The following OXSR1 variants were observed in gnomAD, a reference collection of about 807,000 sequenced individuals.
The protein encoded by OXSR1 is oxidative stress responsive kinase 1.
In OXSR1, 24 loss-of-function variants were observed where a neutral mutation model predicts 79.8. The observed-to-expected ratio is 0.30, with a 90% confidence interval of 0.22 to 0.42. The LOEUF (loss-of-function observed/expected upper bound fraction) is 0.42. Ranked by LOEUF, OXSR1 falls within the 10% of genes least tolerant of loss-of-function variation. The probability of loss-of-function intolerance (pLI) is 1.00; values close to 1 mark genes in which losing one functional copy is unlikely to be tolerated. For synonymous variants in OXSR1, 226 were observed against 209.2 expected, an observed-to-expected ratio of 1.08 and a Z score of -0.69; for missense variants, 430 against 618.4, an observed-to-expected ratio of 0.70 and a Z score of 3.23.
chr3:38,250,600 T>G (rs1007675804), intron 15 of OXSR1, among the ~76,000 whole-genome samples: 1 of 152,180 alleles, frequency 6.6e-6, no homozygotes, highest in African/African-American at 2.4e-5. Flanking sequence ...TATTACTCAG[T>G]GTTCTAATTT....
At chr3:38,186,814 G>A (rs1440539704) in intron 2 of OXSR1, among the ~76,000 whole-genome samples, 2 of 152,166 alleles carry the variant, frequency 1.3e-5, no homozygotes, top group East Asian at 3.9e-4. Flanking sequence ...TTATTATCTT[G>A]AGTATATACC....
In OXSR1 at chr3:38,224,641, A is replaced by G; in HGVS notation, c.773A>G (p.Lys258Arg). ...ETGVQDKEML[K>R]KYGKSFRKMI... The stretch of plus-strand genomic sequence containing the variant: ...GGTGTTCAAGATAAAGAAATGCTGA[A>G]AAAATATGGAAAATCATTTAGAAAA... Residue 258 changes from lysine to arginine, a missense_variant, in exon 8 of 18, where the codon AAA (lysine) becomes AGA (arginine). Physicochemically the swap from Lys to Arg is conservative, Grantham distance 26. Coordinates refer to ENST00000311806, the MANE Select transcript of OXSR1 (RefSeq NM_005109.3). 6.3e-7 allele frequency: 1 copy of G among 1,596,384 alleles called. No individual in the cohort carries two copies. The highest frequency in any genetic ancestry group is 8.5e-7 in the Non-Finnish European group (1 of 1,169,834).
intron 4 of OXSR1, among the ~76,000 whole-genome samples, chr3:38,212,894 GAA>G (rs1702414683): frequency 6.6e-6 from 1 of 152,180 alleles, no homozygotes; most frequent in African/African-American, 2.4e-5. Context: ...TCTTTTCCTT[GAA>G]AGGTTTGTTG....
intron 10 of OXSR1, among the ~76,000 whole-genome samples, chr3:38,234,207 A>T (rs940027500): frequency 6.6e-6 from 1 of 152,230 alleles, no homozygotes; most frequent in African/African-American, 2.4e-5. Flanking sequence ...TTCCTTAGAT[A>T]TGATACCAAA....
chr3:38,248,663 T>G (rs1330319010), intron 14 of OXSR1, among the ~76,000 whole-genome samples: 1 of 152,164 alleles, frequency 6.6e-6, no homozygotes, highest in Non-Finnish European at 1.5e-5. Context: ...TCATTGCTCC[T>G]TGCCACTAGG....
intron 3 of OXSR1, chr3:38,193,215 A>G (rs1249527503): frequency 8.2e-7 from 1 of 1,215,548 alleles, no homozygotes; most frequent in Non-Finnish European, 1.1e-6. Flanking sequence ...CATTAATAGT[A>G]ATAAGCCCTT....
chr3:38,187,749 TATTA>T (rs1479386789), intron 2 of OXSR1, among the ~76,000 whole-genome samples: 2 of 152,106 alleles, frequency 1.3e-5, no homozygotes, highest in African/African-American at 2.4e-5. Context: ...TTATTTATTT[TATTA>T]ATTTATTTTT....
rs530505225 is a variant in OXSR1 at position 38,175,309 on chromosome 3, A to G, written c.71-7694A>G. On this transcript the variant is annotated intron_variant, in intron 1 of 17. Coordinates refer to ENST00000311806, the MANE Select transcript of OXSR1 (RefSeq NM_005109.3). ...CTTTTACATTATCTCTCTCTTTTTT[A>G]AAAAATTTATTTTTGAGGTGGGGTC... 3.9e-5 allele frequency among the ~76,000 whole-genome samples: 6 copies of G among 152,042 alleles called. No individual in the cohort carries two copies. The East Asian group carries it at 1.2e-3, about 29-fold the overall frequency.
chr3:38,207,412 A>G (rs575681873), intron 4 of OXSR1, among the ~76,000 whole-genome samples: 1 of 152,316 alleles, frequency 6.6e-6, no homozygotes, highest in East Asian at 1.9e-4. Flanking sequence ...TTCATGGCCC[A>G]AGTTGATTTC....
intron 4 of OXSR1, among the ~76,000 whole-genome samples, chr3:38,203,853 G>A (rs1408348825): frequency 6.6e-6 from 1 of 152,134 alleles, no homozygotes; most frequent in Non-Finnish European, 1.5e-5. Flanking sequence ...TGCCTGTGTT[G>A]TTCAAGGTCC....
chr3:38,179,028 C>CTTTT (rs35570159), intron 1 of OXSR1, among the ~76,000 whole-genome samples: 2 of 103,544 alleles, frequency 1.9e-5, no homozygotes, highest in Non-Finnish European at 3.9e-5. Context: ...CCACACCTGG[C>CTTTT]TTTTTTTTTT....
At chr3:38,184,556 C>G (rs949814752) in intron 2 of OXSR1, among the ~76,000 whole-genome samples, 1 of 152,116 alleles carries the variant, frequency 6.6e-6, no homozygotes, top group Non-Finnish European at 1.5e-5. Flanking sequence ...ATATGAAGAC[C>G]TATAATTTGC....
chr3:38,235,561 G>A (rs993752865), intron 10 of OXSR1, among the ~76,000 whole-genome samples: 1 of 152,134 alleles, frequency 6.6e-6, no homozygotes, highest in Non-Finnish European at 1.5e-5. Context: ...TGAGTACTCA[G>A]CACAATTAAT....
At chr3:38,191,591 G>A (rs1575322183) in intron 3 of OXSR1, among the ~76,000 whole-genome samples, 1 of 151,996 alleles carries the variant, frequency 6.6e-6, no homozygotes, top group East Asian at 1.9e-4. Flanking sequence ...TTTGTAGGAG[G>A]ATACTTCTTG....
At chr3:38,185,039 G>C (rs1255990661) in intron 2 of OXSR1, among the ~76,000 whole-genome samples, 1 of 139,902 alleles carries the variant, frequency 7.1e-6, no homozygotes, top group Non-Finnish European at 1.5e-5. Flanking sequence ...CGCCTCCCAG[G>C]TTCAAGCAAT....
At chr3:38,169,894 T>C (rs187390065) in intron 1 of OXSR1, among the ~76,000 whole-genome samples, 3 of 152,080 alleles carry the variant, frequency 2.0e-5, no homozygotes, top group Admixed American at 2.0e-4. Context: ...CACGTTTGGC[T>C]AATTTTTGTG....
At position 38,165,890 on chromosome 3, in the gene OXSR1, C is replaced by A. The variant is rs868322856; in HGVS notation, c.14C>A (p.Ser5Ter). Residue 5 changes from serine (S) to a stop codon, truncating the protein, a stop_gained, in exon 1 of 18, where the codon TCG becomes TAG. Transcript: ENST00000311806. LOFTEE classifies it high-confidence loss of function. MSED[S>*]SALPWSINRD... ...GCTGCCGCCGTCATGTCCGAGGACT[C>A]GAGCGCCCTGCCCTGGTCCATCAAC... 1 of 1,611,196 alleles carries A rather than the reference C, an allele frequency of 6.2e-7. No individual in the cohort carries two copies. The highest frequency in any genetic ancestry group is 8.5e-7 in the Non-Finnish European group (1 of 1,179,360).
At chr3:38,177,083 GA>G (rs1701689011) in intron 1 of OXSR1, among the ~76,000 whole-genome samples, 1 of 152,178 alleles carries the variant, frequency 6.6e-6, no homozygotes, top group Non-Finnish European at 1.5e-5. Context: ...AAGAATCAGT[GA>G]ACACATCTGC....
chr3:38,248,427 G>A (rs1703190066), intron 14 of OXSR1, among the ~76,000 whole-genome samples: 1 of 144,404 alleles, frequency 6.9e-6, no homozygotes, highest in Admixed American at 7.3e-5. Context: ...CTCTAGTTAG[G>A]TCTCTTTCTA....
Sources: gnomAD v4.1 joint callset for allele counts (sites outside exome capture counted in the v4.1 genomes callset) on GRCh38, gnomAD v4.1.1 for gene constraint, MANE v1.5 for transcripts, NCBI Gene and HGNC (gene_info 2026-07-23, HGNC 2026-07-21) for gene names.